Variants in LRTM3 observed in about 807,000 individuals in gnomAD.
LRTM3 encodes the protein leucine-rich repeat transmembrane protein 3.
the LRTM3 span, chr13:102,734,751 A>G: frequency 1.9e-6 from 3 of 1,551,096 alleles, no homozygotes; most frequent in Non-Finnish European, 2.6e-6. Context: ...TCTTTATCCA[A>G]TTCTAGTTGA....
chr13:102,749,797 TG>T, the LRTM3 span: 1 of 1,551,408 alleles, frequency 6.4e-7, no homozygotes, highest in South Asian at 1.2e-5. Context: ...CATTTTGTCC[TG>T]GAAAAGAATC....
the LRTM3 span, chr13:102,739,135 G>A: frequency 6.5e-7 from 1 of 1,550,302 alleles, no homozygotes; most frequent in Non-Finnish European, 8.7e-7. Flanking sequence ...TAGAAGCACA[G>A]AGTTTATTCT....
chr13:102,749,214 T>C, the LRTM3 span: 1 of 1,550,698 alleles, frequency 6.4e-7, no homozygotes, highest in Non-Finnish European at 8.7e-7. Context: ...TTTTTGGCTT[T>C]TAGAGATGGA....
At chr13:102,737,127 C>T in the LRTM3 span, 1 of 1,551,082 alleles carries the variant, frequency 6.4e-7, no homozygotes, top group Non-Finnish European at 8.7e-7. Flanking sequence ...AATTGCTCTG[C>T]CTCAAAAATT....
the LRTM3 span, chr13:102,743,906 C>T: frequency 5.2e-6 from 8 of 1,550,660 alleles, no homozygotes; most frequent in South Asian, 9.5e-5. Flanking sequence ...ATCTAAAAGA[C>T]CCAAGAAAAT....
At chr13:102,750,183 C>T in the LRTM3 span, 2 of 1,551,066 alleles carry the variant, frequency 1.3e-6, no homozygotes, top group Admixed American at 3.9e-5. Context: ...GTTTCCTCTA[C>T]TTCTGAATAA....
the LRTM3 span, chr13:102,743,460 T>A: frequency 6.5e-7 from 1 of 1,550,214 alleles, no homozygotes; most frequent in African/African-American, 1.4e-5. Flanking sequence ...TGTTTTGTAG[T>A]AAACTGCCCA....
the LRTM3 span, chr13:102,737,048 ATGTT>A: frequency 2.5e-4 from 391 of 1,550,722 alleles, no homozygotes; most frequent in Non-Finnish European, 3.3e-4. Flanking sequence ...TTTTTCTTTT[ATGTT>A]TGTTAGTACT....
chr13:102,730,696 A>G, the LRTM3 span: 14 of 1,551,880 alleles, frequency 9.0e-6, no homozygotes, highest in African/African-American at 1.8e-4. Context: ...GTTCTGTATC[A>G]ATGGAAAGAC....
the LRTM3 span, chr13:102,749,067 T>A: frequency 6.4e-7 from 1 of 1,550,394 alleles, no homozygotes; most frequent in Non-Finnish European, 8.7e-7. Context: ...GAAACAGAAA[T>A]AAGATGCAAA....
At chr13:102,748,414 A>T in the LRTM3 span, 2 of 1,551,236 alleles carry the variant, frequency 1.3e-6, no homozygotes, top group Non-Finnish European at 1.7e-6. Flanking sequence ...ACAACTCCAG[A>T]ACAAGTTCCA....
the LRTM3 span, among the ~76,000 whole-genome samples, chr13:102,757,426 G>A: frequency 6.6e-6 from 1 of 152,128 alleles, no homozygotes; most frequent in East Asian, 1.9e-4. Flanking sequence ...CACCAGTAGT[G>A]GTTATTATCT....
the LRTM3 span, chr13:102,732,112 C>T: frequency 7.1e-6 from 11 of 1,551,208 alleles, no homozygotes; most frequent in Non-Finnish European, 9.6e-6. Flanking sequence ...AATTCTGTTC[C>T]CCTTTTACAA....
At chr13:102,752,581 G>A in the LRTM3 span, among the ~76,000 whole-genome samples, 1 of 152,080 alleles carries the variant, frequency 6.6e-6, no homozygotes, top group African/African-American at 2.4e-5. Flanking sequence ...TAATGATTTT[G>A]TTTTTTCATC....
At chr13:102,738,508 C>A in the LRTM3 span, 1 of 1,550,868 alleles carries the variant, frequency 6.4e-7, no homozygotes, top group Admixed American at 2.0e-5. Context: ...TAATGTCCAA[C>A]TGAATTCCCT....
chr13:102,748,824 G>A, the LRTM3 span: 32 of 1,550,372 alleles, frequency 2.1e-5, no homozygotes, highest in Admixed American at 3.9e-5. Context: ...TCTAGCTGAG[G>A]TAACATTTTT....
At chr13:102,729,592 A>C in the LRTM3 span, 15 of 1,536,380 alleles carry the variant, frequency 9.8e-6, no homozygotes, top group African/African-American at 2.8e-5. Flanking sequence ...CAGGGGGAAT[A>C]GTCCAGCGAA....
the LRTM3 span, chr13:102,737,724 C>A: frequency 5.2e-6 from 8 of 1,550,464 alleles, no homozygotes; most frequent in South Asian, 6.0e-5. Flanking sequence ...ACTTCACTTG[C>A]GCTATCACCC....
At chr13:102,750,002 G>A in the LRTM3 span, 7 of 1,550,148 alleles carry the variant, frequency 4.5e-6, no homozygotes, top group African/African-American at 9.6e-5. Flanking sequence ...AGGGCAAGGT[G>A]CCACATCTAG....
Sources: gnomAD v4.1 joint callset for allele counts (sites outside exome capture counted in the v4.1 genomes callset) on GRCh38, gnomAD v4.1.1 for gene constraint, MANE v1.5 for transcripts, NCBI Gene and HGNC (gene_info 2026-07-23, HGNC 2026-07-21) for gene names.